Variants in CSF2RB observed in about 807,000 individuals in gnomAD.
CSF2RB encodes the protein colony stimulating factor 2 receptor subunit beta.
In CSF2RB, 22 loss-of-function variants were observed where a neutral mutation model predicts 67.2. The ratio of observed to expected loss-of-function variants is 0.33; its 90% CI spans 0.23 to 0.47. The LOEUF (loss-of-function observed/expected upper bound fraction) is 0.47. CSF2RB is among the 20% of genes least tolerant of loss of function. The probability of loss-of-function intolerance (pLI) is 1.00; values close to 1 mark genes in which losing one functional copy is unlikely to be tolerated. For missense variants in CSF2RB, 1,113 were observed against 1,174.5 expected, an observed-to-expected ratio of 0.95 and a Z score of 0.76; for synonymous variants, 507 against 482.9, an observed-to-expected ratio of 1.05 and a Z score of -0.65.
chr22:36,935,313 A>T (rs369877477), intron 10 of CSF2RB, 38 bp from the exon 11 acceptor site: 27 of 1,604,408 alleles, frequency 1.7e-5, no homozygotes, highest in African/African-American at 1.6e-4. Context: ...TTTCCCGCCC[A>T]GATGCTGACA....
chr22:36,922,910 G>A (rs1940912366), intron 2 of CSF2RB, among the ~76,000 whole-genome samples: 1 of 152,044 alleles, frequency 6.6e-6, no homozygotes, highest in African/African-American at 2.4e-5. Context: ...CTCCCAGGCT[G>A]CACAGTCGGT....
Position 36,938,564 on chromosome 22 carries a change from T to A in CSF2RB, c.*62T>A. The A allele has an allele frequency of 6.6e-7, 1 of 1,525,208 alleles. No individual in the cohort carries two copies. 94.5% of individuals were successfully genotyped at this position (1,525,208 alleles called of 1,614,324 possible). A position where few individuals can be genotyped will look rare whatever the true frequency, so the allele number is the denominator to read the frequency against. ...GCTTGCCTTCCCTCCCGCCTGACCT[T>A]CCTCAGTCATTTCTGCAAAGCCAAG... is the stretch of plus-strand genomic sequence containing the variant. On this transcript the variant is annotated 3_prime_UTR_variant, in exon 14 of 14. Transcript: ENST00000403662.
At chr22:36,918,533 C>T (rs1477658445) in intron 1 of CSF2RB, among the ~76,000 whole-genome samples, 1 of 152,222 alleles carries the variant, frequency 6.6e-6, no homozygotes, top group Admixed American at 6.5e-5. Flanking sequence ...ACCCTGATCT[C>T]TGTCCCCTAC....
At chr22:36,936,772 G>A (rs552767610) in intron 13 of CSF2RB, 120 bp downstream of exon 13, 13 of 845,600 alleles carry the variant, frequency 1.5e-5, no homozygotes, top group South Asian at 1.5e-4. Flanking sequence ...ATCCAAGGGA[G>A]CTGGTTTGCA....
rs1309891754 is a variant in CSF2RB, at chr22:36,930,475, C to G, written c.819C>G (p.Ser273=). 6.2e-7 allele frequency: 1 copy of G among 1,613,710 alleles called. No homozygotes were observed. The highest frequency in any genetic ancestry group is 1.1e-5 in the South Asian group (1 of 91,068). ...EVRKEVASSV[S]FGLFYKPSPD... Reference sequence around the variant, plus strand: ...GGAAGGAGGTGGCCAGCTCGGTCTCCTTTGGCCTATTCTACAAGCCCAGCC... The same window carrying G: ...GGAAGGAGGTGGCCAGCTCGGTCTCGTTTGGCCTATTCTACAAGCCCAGCC... Residue 273 remains serine (S), a synonymous_variant, in exon 7 of 14, where the codon TCC becomes TCG. Transcript: ENST00000403662.
chr22:36,938,870 T>C lies in CSF2RB; in HGVS notation c.*368T>C, dbSNP rs900242024. The C allele has an allele frequency of 3.7e-6, 2 of 544,240 alleles. No homozygotes were observed. The highest frequency in any genetic ancestry group is 2.9e-5 in the East Asian group (1 of 34,674). 33.7% of individuals were successfully genotyped at this position (544,240 alleles called of 1,614,324 possible). On this transcript the variant is annotated 3_prime_UTR_variant, in exon 14 of 14. Coordinates refer to ENST00000403662, the MANE Select transcript of CSF2RB (RefSeq NM_000395.3). ...TTTTTTCACTGATTTATTATGAGAG[T>C]GGGGCTGAGGTCTGAGCTGAGCCTT... is the stretch of plus-strand genomic sequence containing the variant.
intron 2 of CSF2RB, among the ~76,000 whole-genome samples, 161 bp from the exon 3 acceptor site, chr22:36,923,083 C>T (rs1027024313): frequency 6.6e-6 from 1 of 152,204 alleles, no homozygotes; most frequent in East Asian, 1.9e-4. Flanking sequence ...GAGCCCACCC[C>T]GGCAGACATG....
rs201208396 is a variant in CSF2RB at position 36,932,898 on chromosome 22, G to A, written c.1146G>A (p.Thr382=). The part of the protein sequence containing the change: ...FEIQYRKDTA[T]WKDSKTETLQ... ...TCCAGTACAGGAAAGACACGGCCACGTGGAAGGTGAGGGCCTTTGCCCAGG... is the reference window on the plus strand; with the variant it reads ...TCCAGTACAGGAAAGACACGGCCACATGGAAGGTGAGGGCCTTTGCCCAGG... The change falls in exon 9 of 14, where the codon ACG becomes ACA. Residue 382 remains threonine (T), a synonymous_variant. Transcript: ENST00000403662. The A allele has an allele frequency of 2.7e-5, 43 of 1,614,084 alleles. No homozygotes were observed. In the East Asian group the frequency reaches 3.6e-4, roughly 13 times the overall value.
rs115362429 is a variant in CSF2RB at position 36,925,567 on chromosome 22, C to T, written c.201-420C>T. On this transcript the variant is annotated intron_variant, in intron 3 of 13. Coordinates refer to ENST00000403662, the MANE Select transcript of CSF2RB (RefSeq NM_000395.3). ...TGGTTTTAGGCCAAGCCACGCAGCA[C>T]ACCAAACTCTGCCTGTCCCAGGGCC... Among the ~76,000 whole-genome samples the T allele has an allele frequency of 7.6e-3, 1,159 of 152,218 alleles. 16 individuals carry two copies. The highest frequency in any genetic ancestry group is 0.026 in the African/African-American group (1,097 of 41,460).
chr22:36,921,219 T>C (rs1378146834), intron 1 of CSF2RB, among the ~76,000 whole-genome samples: 1 of 151,936 alleles, frequency 6.6e-6, no homozygotes, highest in Non-Finnish European at 1.5e-5. Context: ...GTTGTTCATG[T>C]GTGTATGTGT....
intron 3 of CSF2RB, among the ~76,000 whole-genome samples, chr22:36,924,302 G>A (rs1384469610): frequency 4.6e-5 from 7 of 151,496 alleles, no homozygotes; most frequent in Non-Finnish European, 3.0e-5. Flanking sequence ...CGGGGCCTGG[G>A]CCTGGACCAG....
At chr22:36,931,262 G>A (rs1052737437) in intron 8 of CSF2RB, among the ~76,000 whole-genome samples, 4 of 152,332 alleles carry the variant, frequency 2.6e-5, no homozygotes, top group African/African-American at 9.6e-5. Flanking sequence ...TACAAATAGT[G>A]TTGATCCTTG....
chr22:36,938,241 GGGCCTCCTTGTCCT>G lies in CSF2RB; in HGVS notation c.2435_2448del (p.Gly812AlafsTer22). 6.2e-7 allele frequency: 1 copy of G among 1,614,180 alleles called. No homozygotes were observed. The highest frequency in any genetic ancestry group is 1.1e-5 in the South Asian group (1 of 91,082). On this transcript the variant is annotated frameshift_variant, in exon 14 of 14. Transcript: ENST00000403662. LOFTEE classifies it low-confidence loss of function (END_TRUNC). The stretch of plus-strand genomic sequence containing the variant: ...TGTCCCCAACATCCCCACAGCCCGA[GGGCCTCCTTGTCCT>G]GCAGCAAGTGGGCGACTATTGCTTC...
At chr22:36,922,374 C>A in intron 2 of CSF2RB, 91 bp downstream of exon 2, 1 of 1,275,730 alleles carries the variant, frequency 7.8e-7, no homozygotes, top group Non-Finnish European at 1.1e-6. Flanking sequence ...GGATCCTGCC[C>A]GCCAGCCCTC....
chr22:36,920,596 T>A (rs1357956438), intron 1 of CSF2RB, among the ~76,000 whole-genome samples: 1 of 152,348 alleles, frequency 6.6e-6, no homozygotes, highest in East Asian at 1.9e-4. Context: ...ATGAGTACAT[T>A]GGTGCAAAGA....
chr22:36,932,270 A>T (rs1941159987), intron 8 of CSF2RB, among the ~76,000 whole-genome samples: 1 of 152,152 alleles, frequency 6.6e-6, no homozygotes, highest in Non-Finnish European at 1.5e-5. Flanking sequence ...CCCCGTCTCC[A>T]CTGAAAATAC....
chr22:36,921,991 C>T lies in CSF2RB; in HGVS notation c.-172-45C>T, dbSNP rs41280009. The T allele has an allele frequency of 0.039, 23,302 of 598,760 alleles. 598 individuals are homozygous for T. The highest frequency in any genetic ancestry group is 0.049 in the Non-Finnish European group (16,436 of 333,022). The allele number at this position is 598,760 out of a possible 1,614,324, so 37.1% of individuals were successfully genotyped here. ...CAACACGGGCGGTGTCCCTGGGACACGTGGAAGGGGAGGGGCAGCTCACTG... is the reference window on the plus strand; with the variant it reads ...CAACACGGGCGGTGTCCCTGGGACATGTGGAAGGGGAGGGGCAGCTCACTG... On this transcript the variant is annotated intron_variant, in intron 1 of 13. Coordinates refer to ENST00000403662, the MANE Select transcript of CSF2RB (RefSeq NM_000395.3).
Position 36,929,676 on chromosome 22 carries a change from C to T in CSF2RB, c.587C>T (p.Thr196Ile), listed in dbSNP as rs748941609. Reference protein sequence around the residue: ...AILLSNTSQATLGPEHLMPSS... With the variant: ...AILLSNTSQAILGPEHLMPSS... ...CTCCTCTCCAACACCTCCCAGGCCA[C>T]CCTGGGGCCAGAGCACCTCATGCCC... Residue 196 changes from threonine (T) to isoleucine (I), a missense_variant, in exon 6 of 14, where the codon ACC becomes ATC. Physicochemically the swap from Thr to Ile is moderately conservative, Grantham distance 89 (BLOSUM62 -1). This residue lies in a region of CSF2RB where 559 missense variants were observed against 656.5 expected (regional missense o/e 0.85). Coordinates refer to ENST00000403662, the MANE Select transcript of CSF2RB (RefSeq NM_000395.3). 7 of 1,614,218 alleles carry T rather than the reference C, an allele frequency of 4.3e-6. No individual in the cohort carries two copies. The highest frequency in any genetic ancestry group is 5.9e-6 in the Non-Finnish European group (7 of 1,180,026).
chr22:36,923,503 G>A (rs547625185), intron 3 of CSF2RB, 136 bp downstream of exon 3: 3 of 1,359,878 alleles, frequency 2.2e-6, no homozygotes, highest in South Asian at 2.7e-5. Flanking sequence ...GGAGGAGGGA[G>A]GCCCTGCAAG....
Sources: gnomAD v4.1 joint callset for allele counts (sites outside exome capture counted in the v4.1 genomes callset) on GRCh38, gnomAD v4.1.1 for gene constraint, gnomAD v4.1.1 regional missense constraint, MANE v1.5 for transcripts, NCBI Gene and HGNC (gene_info 2026-07-23, HGNC 2026-07-21) for gene names.